The following KANK1 variants were observed in gnomAD, a reference collection of about 807,000 sequenced individuals.
KANK1 encodes KN motif and ankyrin repeat domains 1.
KANK1 carries 109 observed loss-of-function variants against 106.2 expected under a neutral mutation model. The observed-to-expected ratio is 1.03, with a 90% CI of 0.88 to 1.20. The LOEUF is 1.20. Ranked by LOEUF, KANK1 falls within the 50% of genes most tolerant of loss-of-function variation. The pLI is 0.00. For synonymous variants in KANK1, 873 were observed against 652.2 expected (o/e 1.34, Z -5.16); for missense variants, 2,399 against 1,710.7 (o/e 1.40, Z -7.10).
Position 711,071 on chromosome 9 carries a change from AGT to A in KANK1, c.307_308del (p.Cys103ProfsTer48). 1 of 1,614,186 alleles carries A rather than the reference AGT, an allele frequency of 6.2e-7. No individual in the cohort carries two copies. Among genetic ancestry groups the A allele is most frequent in the Non-Finnish European group, 8.5e-7 (1 of 1,180,034 alleles). On this transcript the variant is annotated frameshift_variant, in exon 3 of 12. Coordinates refer to ENST00000382297, the MANE Select transcript of KANK1 (RefSeq NM_015158.5). LOFTEE classifies it high-confidence loss of function. Reference sequence around the variant, plus strand: ...TCCTCCAACAGTGATGACAACAAGCAGTGCCCCAACTTCCTCATAGCCAGAAG... The same window carrying A: ...TCCTCCAACAGTGATGACAACAAGCAGCCCCAACTTCCTCATAGCCAGAAG...
At chr9:707,226 G>A in intron 2 of KANK1, 1 of 986,216 alleles carries the variant, frequency 1.0e-6, no homozygotes, top group Non-Finnish European at 1.2e-6. Flanking sequence ...GGGCTGGCGG[G>A]GAGCGCGGCG....
intron 1 of KANK1, among the ~76,000 whole-genome samples, chr9:537,684 G>A (rs2060374647): frequency 6.6e-6 from 1 of 152,164 alleles, no homozygotes. Flanking sequence ...GGGGGTGGGA[G>A]ATCGATTTTT....
intron 1 of KANK1, among the ~76,000 whole-genome samples, chr9:610,598 C>T (rs1451458596): frequency 2.0e-5 from 3 of 152,134 alleles, no homozygotes; most frequent in Non-Finnish European, 4.4e-5. Flanking sequence ...ATGTCCATGC[C>T]CCCTTGACTC....
intron 1 of KANK1, among the ~76,000 whole-genome samples, chr9:590,748 C>G (rs534188417): frequency 1.3e-5 from 2 of 151,686 alleles, no homozygotes; most frequent in East Asian, 3.9e-4. Context: ...GTAGTCACTG[C>G]TGTGTAATTA....
chr9:602,906 A>C (rs1245460897), intron 1 of KANK1, among the ~76,000 whole-genome samples: 1 of 151,848 alleles, frequency 6.6e-6, no homozygotes, highest in African/African-American at 2.4e-5. Context: ...TTGAAGAGCT[A>C]TTTCTGTGAA....
intron 1 of KANK1, among the ~76,000 whole-genome samples, chr9:568,803 T>C (rs1212183054): frequency 6.6e-6 from 1 of 152,212 alleles, no homozygotes; most frequent in Non-Finnish European, 1.5e-5. Flanking sequence ...TTTAAAAACA[T>C]TATTTCCTTA....
At chr9:613,039 G>T (rs146619732) in intron 1 of KANK1, among the ~76,000 whole-genome samples, 1 of 152,148 alleles carries the variant, frequency 6.6e-6, no homozygotes, top group African/African-American at 2.4e-5. Flanking sequence ...AAATGAGTGG[G>T]TGAAGATATT....
Position 711,155 on chromosome 9 carries a change from C to G in KANK1, c.389C>G (p.Pro130Arg), listed in dbSNP as rs760205793. The G allele has an allele frequency of 6.8e-6, 11 of 1,614,200 alleles. 1 individual carries two copies. The South Asian group carries it at 1.1e-4, about 16-fold the overall frequency. Reference protein sequence around the residue: ...KPPPPLETSLPFLTIPENRQL... With the variant: ...KPPPPLETSLRFLTIPENRQL... ...CCTCCCCCTCTGGAGACCTCACTCC[C>G]TTTTCTTACCATCCCAGAAAATCGA... The change falls in exon 3 of 12, where the codon CCT (proline) becomes CGT (arginine). Residue 130 changes from proline to arginine, a missense_variant. Transcript: ENST00000382297.
intron 1 of KANK1, among the ~76,000 whole-genome samples, chr9:571,267 G>A (rs1037249490): frequency 6.6e-6 from 1 of 152,190 alleles, no homozygotes; most frequent in East Asian, 1.9e-4. Context: ...ATACAGTTAT[G>A]TATAAACCAG....
intron 1 of KANK1, among the ~76,000 whole-genome samples, chr9:629,718 G>A (rs948380514): frequency 5.3e-5 from 8 of 152,188 alleles, no homozygotes; most frequent in African/African-American, 1.7e-4. Flanking sequence ...TAGTACAAAC[G>A]TGTTGGAGAT....
At chr9:572,544 T>TC (rs1819477773) in intron 1 of KANK1, among the ~76,000 whole-genome samples, 1 of 151,610 alleles carries the variant, frequency 6.6e-6, no homozygotes, top group Non-Finnish European at 1.5e-5. Context: ...AGAGCGAGAC[T>TC]CCATCTCAAA....
At chr9:692,344 TG>T (rs540561340) in intron 2 of KANK1, among the ~76,000 whole-genome samples, 798 of 13,102 alleles carry the variant, frequency 0.061, 9 homozygotes, top group African/African-American at 0.12. Flanking sequence ...TATTTGGGCT[TG>T]GGGCTTGGTT....
At chr9:729,954 T>A in intron 3 of KANK1, 97 bp from the exon 4 acceptor site, 1 of 1,044,844 alleles carries the variant, frequency 9.6e-7, no homozygotes, top group South Asian at 1.6e-5. Flanking sequence ...GGGATAATAG[T>A]CCCATTTTAA....
chr9:610,016 TATAATG>T (rs1830203996), intron 1 of KANK1, among the ~76,000 whole-genome samples: 1 of 152,268 alleles, frequency 6.6e-6, no homozygotes, highest in African/African-American at 2.4e-5. Flanking sequence ...CCTTTACAAT[TATAATG>T]ATAAATACTG....
intron 1 of KANK1, among the ~76,000 whole-genome samples, chr9:565,895 T>C (rs1426363294): frequency 6.6e-6 from 1 of 152,210 alleles, no homozygotes; most frequent in Non-Finnish European, 1.5e-5. Flanking sequence ...CAGGGGTGCA[T>C]GTGCAGGTTT....
chr9:717,795 A>G (rs1828122717), intron 3 of KANK1, among the ~76,000 whole-genome samples: 1 of 152,152 alleles, frequency 6.6e-6, no homozygotes, highest in Middle Eastern at 3.2e-3. Context: ...AGGAGAGAGA[A>G]AATTCCAGAT....
At chr9:498,309 G>C (rs2058489374) in intron 3 of KANK1, among the ~76,000 whole-genome samples, 1 of 152,092 alleles carries the variant, frequency 6.6e-6, no homozygotes, top group Non-Finnish European at 1.5e-5. Flanking sequence ...TCGGAACCAG[G>C]GCAGATGCTC....
At chr9:514,289 C>T (rs1277679612) in intron 1 of KANK1, among the ~76,000 whole-genome samples, 1 of 115,620 alleles carries the variant, frequency 8.6e-6, no homozygotes, top group Non-Finnish European at 1.6e-5. Flanking sequence ...CCTTCCTATT[C>T]ATCTCAATAG....
intron 1 of KANK1, among the ~76,000 whole-genome samples, chr9:587,618 G>GC (rs796831960): frequency 3.3e-5 from 5 of 152,302 alleles, no homozygotes; most frequent in African/African-American, 1.2e-4. Context: ...TGCATGTGTT[G>GC]TTGTGTTAGC....
Sources: gnomAD v4.1 joint callset for allele counts (sites outside exome capture counted in the v4.1 genomes callset) on GRCh38, gnomAD v4.1.1 for gene constraint, MANE v1.5 for transcripts, NCBI Gene and HGNC (gene_info 2026-07-23, HGNC 2026-07-21) for gene names.